The following PATJ variants were observed in gnomAD, a reference collection of about 807,000 sequenced individuals.
PATJ encodes the protein inaD-like protein.
PATJ carries 190 observed loss-of-function variants against 224.9 expected under a neutral mutation model. That is an observed-to-expected ratio of 0.84 (90% CI 0.75 to 0.95). The LOEUF (loss-of-function observed/expected upper bound fraction) is 0.95. Ranked by LOEUF, PATJ falls within the 40% of genes least tolerant of loss-of-function variation. PATJ has a pLI of 0.00. For synonymous variants in PATJ, 769 were observed against 820.3 expected (o/e 0.94, Z 1.07); for missense variants, 2,121 against 2,270.3 (o/e 0.93, Z 1.34).
rs34767684 is a variant in PATJ, at chr1:62,106,063, A to AAAAAAT, written c.4378-2373_4378-2372insAAAATA. ...CTCCTCTTAAAAAAAAAAAAAAAAA[A>AAAAAAT]ATATATATATATATATACACACACA... On this transcript the variant is annotated intron_variant, in intron 33 of 43. Transcript: ENST00000642238. 8.1e-3 allele frequency among the ~76,000 whole-genome samples: 323 copies of AAAAAAT among 39,650 alleles called. 11 individuals are homozygous for AAAAAAT. Among genetic ancestry groups the AAAAAAT allele is most frequent in the Non-Finnish European group, 0.011 (249 of 21,854 alleles). The allele number at this position is 39,650 out of a possible 152,430, so 26.0% of individuals were successfully genotyped here.
At position 62,017,950 on chromosome 1, in the gene PATJ, A is replaced by G; in HGVS notation, c.3959+3A>G. 3 of 1,581,198 alleles carry G rather than the reference A, an allele frequency of 1.9e-6. No homozygotes were observed. Among genetic ancestry groups the G allele is most frequent in the Non-Finnish European group, 2.6e-6 (3 of 1,149,918 alleles). On this transcript the variant is annotated splice_donor_region_variant and intron_variant, in intron 29 of 43. Transcript: ENST00000642238. ...AAGGTCAAGCTGGTTTTCATCAGGT[A>G]AGATTGCTAGATCTGGTTTTGCAAA...
chr1:62,033,512 T>C (rs1415125823), intron 29 of PATJ, among the ~76,000 whole-genome samples: 2 of 152,192 alleles, frequency 1.3e-5, no homozygotes, highest in African/African-American at 4.8e-5. Context: ...ATATGTCTCT[T>C]CTAAATGTTA....
At chr1:62,072,423 T>A (rs977279378) in intron 31 of PATJ, 4 of 152,118 alleles carry the variant, frequency 2.6e-5, no homozygotes, top group African/African-American at 9.7e-5. Context: ...AAACTCTGGC[T>A]GGAATGACCA....
chr1:61,813,181 A>G (rs746928064), intron 14 of PATJ, among the ~76,000 whole-genome samples: 9 of 151,670 alleles, frequency 5.9e-5, no homozygotes, highest in Non-Finnish European at 1.0e-4. Flanking sequence ...AAAGACAGCA[A>G]GGAAAAAAGG....
chr1:61,849,460 G>A (rs1298764695), intron 17 of PATJ, among the ~76,000 whole-genome samples: 2 of 152,166 alleles, frequency 1.3e-5, no homozygotes, highest in Non-Finnish European at 2.9e-5. Context: ...GCTGAATGTG[G>A]TGTACACTTG....
chr1:61,755,695 G>A (rs1004168372), intron 1 of PATJ, among the ~76,000 whole-genome samples: 1 of 152,178 alleles, frequency 6.6e-6, no homozygotes, highest in Non-Finnish European at 1.5e-5. Context: ...ACTATCAGTG[G>A]TGAAAGATCA....
At chr1:62,119,161 A>C (rs1407784757) in intron 37 of PATJ, among the ~76,000 whole-genome samples, 1 of 151,920 alleles carries the variant, frequency 6.6e-6, no homozygotes, top group African/African-American at 2.4e-5. Flanking sequence ...TTTTAAAAAC[A>C]GTAAATATAT....
intron 41 of PATJ, among the ~76,000 whole-genome samples, chr1:62,144,433 G>A (rs1667807891): frequency 6.6e-6 from 1 of 152,052 alleles, no homozygotes; most frequent in African/African-American, 2.4e-5. Context: ...GCCCTCTGTT[G>A]GCCTTTTCTG....
Position 62,153,364 on chromosome 1 carries a change from T to C in PATJ, c.5385T>C (p.Pro1795=). The C allele has an allele frequency of 8.1e-7, 1 of 1,231,560 alleles. No individual in the cohort carries two copies. Among genetic ancestry groups the C allele is most frequent in the Non-Finnish European group, 1.0e-6 (1 of 987,438 alleles). 76.3% of individuals were successfully genotyped at this position (1,231,560 alleles called of 1,614,324 possible). The change falls in exon 43 of 44, where the codon CCT becomes CCC. Residue 1795 remains proline, a synonymous_variant. Coordinates refer to ENST00000642238, the MANE Select transcript of PATJ (RefSeq NM_001350145.3). ...AEHHPEDTET[P]PPKIITLEKG... ...GCATGCATTGTGTTTTCAGAACACC[T>C]CCACCTAAGATTATTACTTTGGAGA...
chr1:62,122,943 A>G, intron 38 of PATJ, 78 bp from the exon 39 acceptor site: 1 of 914,336 alleles, frequency 1.1e-6, no homozygotes. Flanking sequence ...AAATGAAACC[A>G]TTTTTCATGG....
intron 9 of PATJ, 25 bp from the exon 10 acceptor site, chr1:61,795,442 T>C (rs1481138412): frequency 6.9e-7 from 1 of 1,440,060 alleles, no homozygotes; most frequent in East Asian, 2.4e-5. Context: ...TTTCTTCCTT[T>C]TTCCGTATGT....
In PATJ at chr1:61,787,912, C is replaced by T. The variant is rs1648909299; in HGVS notation, c.1008C>T (p.Pro336=). The T allele has an allele frequency of 1.9e-6, 3 of 1,613,916 alleles. No homozygotes were observed. The highest frequency in any genetic ancestry group is 2.5e-6 in the Non-Finnish European group (3 of 1,180,030). The change falls in exon 8 of 44, where the codon CCC becomes CCT. Residue 336 remains proline, a synonymous_variant. Coordinates refer to ENST00000642238, the MANE Select transcript of PATJ (RefSeq NM_001350145.3). The part of the protein sequence containing the change: ...RDPAGDISVT[P]PAPAALPVAL... The stretch of plus-strand genomic sequence containing the variant: ...CAGCTGGTGACATTTCAGTCACCCC[C>T]CCTGCCCCTGCAGCCTTACCTGTTG...
chr1:61,832,001 A>G (rs1238942319), intron 16 of PATJ, among the ~76,000 whole-genome samples: 4 of 152,224 alleles, frequency 2.6e-5, no homozygotes, highest in Non-Finnish European at 5.9e-5. Context: ...GCCATAAAAA[A>G]GAATGAAATC....
chr1:61,747,770 T>TA, intron 1 of PATJ, among the ~76,000 whole-genome samples: 1 of 152,216 alleles, frequency 6.6e-6, no homozygotes, highest in Non-Finnish European at 1.5e-5. Flanking sequence ...AGGCATAGAT[T>TA]AAAACTTTAC....
At chr1:61,825,959 G>C (rs1197472938) in intron 15 of PATJ, among the ~76,000 whole-genome samples, 1 of 152,110 alleles carries the variant, frequency 6.6e-6, no homozygotes, top group Non-Finnish European at 1.5e-5. Context: ...GATACGGTGT[G>C]ACCAGTGATG....
chr1:62,034,698 A>G (rs576901281), intron 29 of PATJ, among the ~76,000 whole-genome samples: 2 of 152,248 alleles, frequency 1.3e-5, no homozygotes, highest in Admixed American at 6.5e-5. Context: ...AGGATTATGA[A>G]CTGTAACTTC....
At chr1:61,814,214 G>A (rs933554019) in intron 14 of PATJ, among the ~76,000 whole-genome samples, 1 of 146,170 alleles carries the variant, frequency 6.8e-6, no homozygotes, top group Non-Finnish European at 1.5e-5. Flanking sequence ...CACCATCTCG[G>A]CTCACTGCAA....
chr1:62,034,136 G>A (rs1355432281), intron 29 of PATJ, among the ~76,000 whole-genome samples: 25 of 152,124 alleles, frequency 1.6e-4, no homozygotes, highest in Non-Finnish European at 4.4e-5. Context: ...AGAAACTTAG[G>A]CTAATTATAT....
intron 1 of PATJ, among the ~76,000 whole-genome samples, chr1:61,761,545 A>T (rs1645972901): frequency 1.3e-5 from 2 of 152,270 alleles, no homozygotes; most frequent in African/African-American, 4.8e-5. Flanking sequence ...GTAAAACCTG[A>T]GTGTTTTTAA....
Sources: gnomAD v4.1 joint callset for allele counts (sites outside exome capture counted in the v4.1 genomes callset) on GRCh38, gnomAD v4.1.1 for gene constraint, MANE v1.5 for transcripts, NCBI Gene and HGNC (gene_info 2026-07-23, HGNC 2026-07-21) for gene names.